SLC38A4: variants seen among roughly 807,000 people sequenced by gnomAD.
SLC38A4 encodes the protein solute carrier family 38 member 4.
Under a neutral mutation model 63.1 loss-of-function variants are expected in SLC38A4, and 20 were observed. The observed-to-expected ratio is 0.32, with a 90% CI of 0.22 to 0.46. The LOEUF (loss-of-function observed/expected upper bound fraction) is 0.46, where lower values mean the gene tolerates loss of function less well. Among genes scored for constraint, SLC38A4 ranks in the 20% least tolerant of loss-of-function variants. SLC38A4 has a pLI of 1.00. For synonymous variants in SLC38A4, 230 were observed against 225.5 expected, an observed-to-expected ratio of 1.02 and a Z score of -0.18; for missense variants, 526 against 663.6, an observed-to-expected ratio of 0.79 and a Z score of 2.28.
intron 1 of SLC38A4, among the ~76,000 whole-genome samples, chr12:46,806,349 A>G (rs1248284894): frequency 1.3e-5 from 2 of 151,996 alleles, no homozygotes; most frequent in African/African-American, 4.8e-5. Context: ...TCAGATTTTT[A>G]GTGATGAAGA....
At chr12:46,787,175 CA>C (rs1425465810) in intron 5 of SLC38A4, among the ~76,000 whole-genome samples, 1 of 152,200 alleles carries the variant, frequency 6.6e-6, no homozygotes, top group Non-Finnish European at 1.5e-5. Flanking sequence ...GGTCACTCAA[CA>C]AATATTGCCT....
rs1938893795 is a variant in SLC38A4, at chr12:46,791,768, G to A, written c.119+1185C>T. ...ACATCTGCACAGGGAGAGGGTACAT[G>A]AAGGAGGGGCAGTCACTTCTACATG... On this transcript the variant is annotated intron_variant, in intron 3 of 16. Transcript: ENST00000266579. Among the ~76,000 whole-genome samples the A allele has an allele frequency of 2.0e-5, 3 of 152,270 alleles. No homozygotes were observed. In the South Asian group the frequency reaches 6.2e-4, roughly 32 times the overall value.
At chr12:46,801,656 T>C (rs2120860979) in intron 2 of SLC38A4, among the ~76,000 whole-genome samples, 1 of 152,246 alleles carries the variant, frequency 6.6e-6, no homozygotes, top group East Asian at 1.9e-4. Context: ...AATCATCTTG[T>C]ATCCAAGGAA....
chr12:46,808,453 T>C (rs1033519402), intron 1 of SLC38A4, among the ~76,000 whole-genome samples: 17 of 152,106 alleles, frequency 1.1e-4, no homozygotes, highest in African/African-American at 3.9e-4. Context: ...TTGACAAATT[T>C]ATTGACTTTG....
chr12:46,799,478 T>G (rs949845439), intron 2 of SLC38A4, among the ~76,000 whole-genome samples: 4 of 152,074 alleles, frequency 2.6e-5, no homozygotes, highest in Non-Finnish European at 4.4e-5. Flanking sequence ...GGCGCATGCC[T>G]GTAGTCCCAG....
Position 46,779,630 on chromosome 12 carries a change from A to G in SLC38A4, c.698T>C (p.Met233Thr). 1 of 1,605,504 alleles carries G rather than the reference A, an allele frequency of 6.2e-7. No individual in the cohort carries two copies. The highest frequency in any genetic ancestry group is 8.5e-7 in the Non-Finnish European group (1 of 1,177,358). Residue 233 changes from methionine to threonine, a missense_variant, in exon 10 of 17, where the codon ATG becomes ACG. By Grantham distance (81) the Met-to-Thr change is moderately conservative. Transcript: ENST00000266579. Reference protein sequence around the residue: ...GYTSGFSLTCMVFFVSVVIYK... With the variant: ...GYTSGFSLTCTVFFVSVVIYK... ...ACTTACCACACTAACAAAAAACACC[A>G]TGCAGGTAAGAGAAAATCCACTGGT... is the stretch of plus-strand genomic sequence containing the variant.
intron 1 of SLC38A4, among the ~76,000 whole-genome samples, chr12:46,808,234 C>T (rs868646336): frequency 5.9e-5 from 9 of 151,918 alleles, no homozygotes; most frequent in Non-Finnish European, 7.4e-5. Context: ...AGCCCAGGCC[C>T]CTGGGAGAGG....
At chr12:46,777,090 A>G in intron 12 of SLC38A4, 86 bp from the exon 13 acceptor site, 1 of 1,080,344 alleles carries the variant, frequency 9.3e-7, no homozygotes, top group South Asian at 1.5e-5. Context: ...ATAAAAAAGT[A>G]TATCTATATT....
At chr12:46,816,738 T>A (rs892578975) in intron 1 of SLC38A4, among the ~76,000 whole-genome samples, 1 of 151,884 alleles carries the variant, frequency 6.6e-6, no homozygotes, top group Non-Finnish European at 1.5e-5. Flanking sequence ...TAATAAAAAA[T>A]GTATTCACAT....
chr12:46,783,211 T>C (rs1049446671), intron 7 of SLC38A4, among the ~76,000 whole-genome samples: 1 of 148,572 alleles, frequency 6.7e-6, no homozygotes, highest in Non-Finnish European at 1.5e-5. Flanking sequence ...GTATAGATGA[T>C]GGATAAATTG....
intron 7 of SLC38A4, among the ~76,000 whole-genome samples, chr12:46,782,934 T>G (rs901336426): frequency 7.0e-6 from 1 of 142,916 alleles, no homozygotes; most frequent in African/African-American, 2.6e-5. Flanking sequence ...ACATACTAGA[T>G]ACAAACAGGA....
chr12:46,771,019 GA>G (rs1938406034), intron 14 of SLC38A4, among the ~76,000 whole-genome samples: 1 of 152,100 alleles, frequency 6.6e-6, no homozygotes, highest in Non-Finnish European at 1.5e-5. Flanking sequence ...TGTTTAGGCT[GA>G]AAAGGCAATT....
rs780288309 is a variant in SLC38A4, at chr12:46,778,696, C to T, written c.798G>A (p.Thr266=). The T allele has an allele frequency of 2.3e-5, 37 of 1,612,442 alleles. No homozygotes were observed. The highest frequency in any genetic ancestry group is 2.0e-4 in the African/African-American group (15 of 74,692). Residue 266 remains threonine, a synonymous_variant, in exon 11 of 17, where the codon ACG becomes ACA. Transcript: ENST00000266579. ...GTAACATTACCACATGCATTGGAAG[C>T]GTGTTGTTGAATGACAGATTTCCAA... The part of the protein sequence containing the change: ...HSVGNLSFNN[T]LPMHVVMLPN...
At chr12:46,789,435 C>G (rs1036776854) in intron 3 of SLC38A4, among the ~76,000 whole-genome samples, 1 of 152,122 alleles carries the variant, frequency 6.6e-6, no homozygotes, top group African/African-American at 2.4e-5. Flanking sequence ...TAAGATGTCA[C>G]TATCCACAGA....
intron 16 of SLC38A4, among the ~76,000 whole-genome samples, chr12:46,767,238 A>G (rs3958775): frequency 4.0e-5 from 6 of 150,830 alleles, no homozygotes; most frequent in East Asian, 2.0e-4. Context: ...AAGTGTATAT[A>G]TGTGTGTGTG....
chr12:46,777,056 T>C (rs769152744), intron 12 of SLC38A4, 52 bp from the exon 13 acceptor site: 1 of 1,414,344 alleles, frequency 7.1e-7, no homozygotes. Flanking sequence ...CAAAAAAAAA[T>C]CACTTTTCAA....
chr12:46,771,388 T>C (rs1041949583), intron 14 of SLC38A4, among the ~76,000 whole-genome samples: 1 of 152,088 alleles, frequency 6.6e-6, no homozygotes, highest in Non-Finnish European at 1.5e-5. Context: ...TTTAGTCACT[T>C]GTTAAAAAGG....
chr12:46,782,900 T>A (rs1009797667), intron 7 of SLC38A4, among the ~76,000 whole-genome samples: 8 of 146,902 alleles, frequency 5.4e-5, no homozygotes, highest in Non-Finnish European at 1.2e-4. Flanking sequence ...TCAAGTGTTT[T>A]AAAATATCCT....
intron 1 of SLC38A4, among the ~76,000 whole-genome samples, chr12:46,805,152 C>G (rs544667724): frequency 2.0e-5 from 3 of 151,898 alleles, no homozygotes; most frequent in Non-Finnish European, 4.4e-5. Flanking sequence ...TAAAGTTTTA[C>G]TCTTCCTAAA....
Sources: allele counts gnomAD v4.1 joint callset (sites outside exome capture counted in the v4.1 genomes callset), GRCh38; gene constraint gnomAD v4.1.1; transcripts MANE v1.5; gene names NCBI Gene and HGNC (gene_info 2026-07-23, HGNC 2026-07-21).